TNR: variants seen among roughly 807,000 people sequenced by gnomAD.
TNR encodes tenascin R.
A neutral mutation model predicts 150.4 loss-of-function variants in TNR; 45 were observed. The observed-to-expected ratio is 0.30, with a 90% CI of 0.24 to 0.38. TNR has a LOEUF of 0.38. Ranked by LOEUF, TNR falls within the 10% of genes least tolerant of loss-of-function variation. TNR has a pLI of 1.00. For synonymous variants in TNR, 687 were observed against 678.4 expected (o/e 1.01, Z -0.20); for missense variants, 1,544 against 1,759.1 (o/e 0.88, Z 2.19).
At chr1:175,570,639 C>T (rs1306394327) in intron 1 of TNR, among the ~76,000 whole-genome samples, 3 of 151,736 alleles carry the variant, frequency 2.0e-5, no homozygotes, top group Non-Finnish European at 2.9e-5. Flanking sequence ...TTCCTTTTTT[C>T]CTTCCATTTT....
intron 1 of TNR, among the ~76,000 whole-genome samples, chr1:175,560,516 C>A (rs892157670): frequency 3.3e-5 from 5 of 152,234 alleles, no homozygotes; most frequent in African/African-American, 1.2e-4. Flanking sequence ...ATTTACATAA[C>A]TAGCAATCTG....
At chr1:175,353,675 T>C (rs1651172027) in intron 18 of TNR, among the ~76,000 whole-genome samples, 1 of 152,076 alleles carries the variant, frequency 6.6e-6, no homozygotes, top group African/African-American at 2.4e-5. Flanking sequence ...CAAAAGTCCT[T>C]TGTGTATGGA....
At chr1:175,725,215 A>C (rs1383000541) in intron 1 of TNR, among the ~76,000 whole-genome samples, 1 of 152,196 alleles carries the variant, frequency 6.6e-6, no homozygotes, top group Admixed American at 6.5e-5. Flanking sequence ...TCTATACAGA[A>C]GGCAAGCTCT....
intron 2 of TNR, among the ~76,000 whole-genome samples, chr1:175,527,103 C>T (rs972260817): frequency 5.9e-5 from 9 of 152,188 alleles, no homozygotes; most frequent in African/African-American, 1.7e-4. Flanking sequence ...GTGTTGCTTT[C>T]GCGACAGGCA....
In TNR at chr1:175,379,608, T is replaced by C. The variant is rs368278472; in HGVS notation, c.1907A>G (p.Tyr636Cys). 9.2e-5 allele frequency: 149 copies of C among 1,613,984 alleles called. No homozygotes were observed. The highest frequency in any genetic ancestry group is 1.2e-4 in the Non-Finnish European group (144 of 1,180,032). ...VVYSTLAGEQYHEVLVPRGIG... is the reference protein window; with the variant it reads ...VVYSTLAGEQCHEVLVPRGIG... Reference sequence around the variant, plus strand: ...GCCCCTGGGGACCAGTACCTCATGATATTGCTCACCCGCCAGGGTGCTGTA... The same window carrying C: ...GCCCCTGGGGACCAGTACCTCATGACATTGCTCACCCGCCAGGGTGCTGTA... The change falls in exon 9 of 23, where the codon TAT (tyrosine) becomes TGT (cysteine). Residue 636 changes from tyrosine to cysteine, a missense_variant. Around this residue, in one of 2 missense-constraint regions of TNR, gnomAD observed 1,254 missense variants for 1,329.4 expected, o/e 0.94. Coordinates refer to ENST00000367674, the MANE Select transcript of TNR (RefSeq NM_003285.3).
At position 175,514,730 on chromosome 1, in the gene TNR, G is replaced by A. The variant is rs573145674; in HGVS notation, c.-64+13539C>T. Among the ~76,000 whole-genome samples, 3 of 152,342 alleles carry A rather than the reference G, an allele frequency of 2.0e-5. No individual in the cohort carries two copies. In the South Asian group the frequency reaches 6.2e-4, roughly 32 times the overall value. On this transcript the variant is annotated intron_variant, in intron 2 of 22. Transcript: ENST00000367674. ...TGATTTTAAGTTAAGTGAGCATGAC[G>A]AGCACGTTGTTAAAAACTCAGACCT...
At chr1:175,331,038 T>TTTCTTTCTTTCTTTCTTTCC (rs1557867407) in intron 20 of TNR, among the ~76,000 whole-genome samples, 1 of 66,922 alleles carries the variant, frequency 1.5e-5, no homozygotes, top group African/African-American at 5.0e-5. Flanking sequence ...TCTTTCTTTC[T>TTTCTTTCTTTCTTTCTTTCC]TTCTTTCTTT....
At chr1:175,447,946 G>C (rs1194195462) in intron 2 of TNR, among the ~76,000 whole-genome samples, 3 of 152,232 alleles carry the variant, frequency 2.0e-5, no homozygotes, top group Non-Finnish European at 4.4e-5. Flanking sequence ...CTGGCATGTA[G>C]AAAGGGCTCA....
Position 175,316,645 on chromosome 1 carries a change from A to C in TNR, c.*6712T>G, listed in dbSNP as rs980144888. On this transcript the variant is annotated 3_prime_UTR_variant, in exon 23 of 23. Transcript: ENST00000367674. ...GCTCCAGCTTGAAAAAAATGACTGG[A>C]TATCCCACTCTTCTAATGTTGGGAT... The C allele has an allele frequency of 4.1e-4, 62 of 152,054 alleles. No homozygotes were observed. The highest frequency in any genetic ancestry group is 1.4e-3 in the African/African-American group (56 of 41,358). 9.4% of individuals were successfully genotyped at this position (152,054 alleles called of 1,614,324 possible).
chr1:175,533,374 A>G (rs1282833604), intron 1 of TNR, among the ~76,000 whole-genome samples: 1 of 152,210 alleles, frequency 6.6e-6, no homozygotes, highest in East Asian at 1.9e-4. Flanking sequence ...CTTCTCCCAC[A>G]TTCTTTCCTC....
intron 2 of TNR, among the ~76,000 whole-genome samples, chr1:175,494,756 GT>G (rs935233788): frequency 5.8e-4 from 88 of 152,310 alleles, no homozygotes; most frequent in African/African-American, 2.1e-3. Context: ...CCATTTCACA[GT>G]CAAAGCCTAG....
At chr1:175,368,128 G>A (rs1219018622) in intron 9 of TNR, among the ~76,000 whole-genome samples, 1 of 152,216 alleles carries the variant, frequency 6.6e-6, no homozygotes, top group Admixed American at 6.5e-5. Flanking sequence ...TTTGACTGGT[G>A]TACTAGTTTC....
At chr1:175,570,819 T>C (rs6657672) in intron 1 of TNR, among the ~76,000 whole-genome samples, 20,318 of 151,994 alleles carry the variant, frequency 0.13, 1,892 homozygotes, top group African/African-American at 0.26. Flanking sequence ...TACCAATATC[T>C]CCAAATATTT....
chr1:175,487,979 T>A (rs1387488404), intron 2 of TNR, among the ~76,000 whole-genome samples: 1 of 152,086 alleles, frequency 6.6e-6, no homozygotes, highest in African/African-American at 2.4e-5. Context: ...TGTGCTCAGG[T>A]GGGCCTTGGG....
chr1:175,396,687 C>T lies in TNR; in HGVS notation c.1097G>A (p.Gly366Asp), dbSNP rs375173565. 4.3e-6 allele frequency: 7 copies of T among 1,614,170 alleles called. No individual in the cohort carries two copies. The highest frequency in any genetic ancestry group is 2.2e-5 in the East Asian group (1 of 44,884). The change falls in exon 5 of 23, where the codon GGC (glycine) becomes GAC (aspartate). Residue 366 changes from glycine (G) to aspartate (D), a missense_variant. Transcript: ENST00000367674. ...VISYQPTALGGLQLQQRVPGD... is the reference protein window; with the variant it reads ...VISYQPTALGDLQLQQRVPGD... ...AGGCACCCGCTGCTGGAGCTGGAGG[C>T]CCCCCAGGGCCGTCGGCTGGTAAGA...
intron 1 of TNR, among the ~76,000 whole-genome samples, chr1:175,631,757 G>A (rs1439375481): frequency 6.6e-6 from 1 of 152,092 alleles, no homozygotes; most frequent in Non-Finnish European, 1.5e-5. Flanking sequence ...TGTAAACATA[G>A]AGAAAACCAT....
chr1:175,517,963 C>G (rs1659482264), intron 2 of TNR, among the ~76,000 whole-genome samples: 1 of 152,160 alleles, frequency 6.6e-6, no homozygotes, highest in Admixed American at 6.5e-5. Context: ...GCCCAGTGTG[C>G]TAGACAAGCA....
intron 20 of TNR, among the ~76,000 whole-genome samples, chr1:175,333,042 T>C (rs1650026628): frequency 6.6e-6 from 1 of 152,270 alleles, no homozygotes; most frequent in Non-Finnish European, 1.5e-5. Flanking sequence ...TTTAGTGGTT[T>C]GTTTAGCATG....
intron 1 of TNR, among the ~76,000 whole-genome samples, chr1:175,554,344 A>C (rs1052257934): frequency 1.4e-5 from 2 of 138,318 alleles, no homozygotes; most frequent in African/African-American, 5.4e-5. Context: ...CATGGCAAAA[A>C]AAAAAAAAAA....
Sources: allele counts gnomAD v4.1 joint callset (sites outside exome capture counted in the v4.1 genomes callset), GRCh38; gene constraint gnomAD v4.1.1; regional missense constraint gnomAD v4.1.1; transcripts MANE v1.5; gene names NCBI Gene and HGNC (gene_info 2026-07-23, HGNC 2026-07-21).